The following EYS variants were observed in gnomAD, a reference collection of about 807,000 sequenced individuals.
EYS encodes EGF-like photoreceptor maintenance factor, also known as protein eyes shut homolog.
In EYS, 250 loss-of-function variants were observed where a neutral mutation model predicts 282.1. The ratio of observed to expected loss-of-function variants is 0.89; its 90% confidence interval spans 0.80 to 0.98. The LOEUF (loss-of-function observed/expected upper bound fraction) is 0.98, where lower values mean the gene tolerates loss of function less well. Among genes scored for constraint, EYS ranks in the 50% least tolerant of loss-of-function variants. The probability of loss-of-function intolerance (pLI) is 0.00; values close to 1 mark genes in which losing one functional copy is unlikely to be tolerated. For synonymous variants in EYS, 1,355 were observed against 1,282.9 expected, an observed-to-expected ratio of 1.06 and a Z score of -1.20; for missense variants, 4,016 against 3,709.0, an observed-to-expected ratio of 1.08 and a Z score of -2.15.
At chr6:63,967,899 C>T (rs2149781089) in intron 35 of EYS, among the ~76,000 whole-genome samples, 1 of 152,208 alleles carries the variant, frequency 6.6e-6, no homozygotes, top group Non-Finnish European at 1.5e-5. Flanking sequence ...GTATCTCCTC[C>T]CTCAAAAACA....
At chr6:63,995,362 A>G (rs1239090583) in intron 34 of EYS, among the ~76,000 whole-genome samples, 1 of 152,084 alleles carries the variant, frequency 6.6e-6, no homozygotes, top group Non-Finnish European at 1.5e-5. Context: ...ATATCACTTT[A>G]TAATTGTTAA....
At chr6:64,816,047 T>C (rs1289164805) in intron 21 of EYS, among the ~76,000 whole-genome samples, 1 of 152,160 alleles carries the variant, frequency 6.6e-6, no homozygotes, top group East Asian at 1.9e-4. Context: ...ATCTTTATCA[T>C]AACATTTCTC....
chr6:64,472,640 G>A (rs56877155), intron 26 of EYS, among the ~76,000 whole-genome samples: 3,686 of 152,102 alleles, frequency 0.024, 142 homozygotes, highest in African/African-American at 0.085. Flanking sequence ...TTAGAAAAAC[G>A]ATGTATTACC....
chr6:64,220,060 T>C (rs1408875200), intron 31 of EYS, among the ~76,000 whole-genome samples: 1 of 152,074 alleles, frequency 6.6e-6, no homozygotes, highest in Non-Finnish European at 1.5e-5. Context: ...AGGGATAGCA[T>C]TAGGAGATAT....
intron 26 of EYS, among the ~76,000 whole-genome samples, chr6:64,506,466 AT>A (rs1315770697): frequency 2.0e-5 from 3 of 152,306 alleles, no homozygotes; most frequent in Admixed American, 6.5e-5. Flanking sequence ...GATGGGACAA[AT>A]TTTTGTTATT....
Position 63,868,166 on chromosome 6 carries a change from C to A in EYS, c.7056-3808G>T, listed in dbSNP as rs186567096. Among the ~76,000 whole-genome samples, 216 of 152,138 alleles carry A rather than the reference C, an allele frequency of 1.4e-3. 2 individuals are homozygous for A. The South Asian group carries it at 0.022, about 15-fold the overall frequency. ...TAAAAGAGGAAAAAATTCACTCGGTCATTTTAAAGCTTAGTTAAAAAAATA... is the reference window on the plus strand; with the variant it reads ...TAAAAGAGGAAAAAATTCACTCGGTAATTTTAAAGCTTAGTTAAAAAAATA... On this transcript the variant is annotated intron_variant, in intron 35 of 42. Coordinates refer to ENST00000503581, the MANE Select transcript of EYS (RefSeq NM_001142800.2).
At chr6:63,721,843 T>C in intron 42 of EYS, 46 bp from the exon 43 acceptor site, 1 of 1,491,358 alleles carries the variant, frequency 6.7e-7, no homozygotes, top group Non-Finnish European at 8.9e-7. Flanking sequence ...AGTAAAAGTT[T>C]CCATTGAAAA....
At chr6:64,285,654 A>T (rs994582589) in intron 30 of EYS, among the ~76,000 whole-genome samples, 4 of 152,192 alleles carry the variant, frequency 2.6e-5, no homozygotes, top group Non-Finnish European at 4.4e-5. Context: ...TAATAAAAAC[A>T]TACCTGATAC....
intron 29 of EYS, among the ~76,000 whole-genome samples, chr6:64,349,580 A>G (rs1020142961): frequency 6.6e-6 from 1 of 151,332 alleles, no homozygotes; most frequent in Non-Finnish European, 1.5e-5. Flanking sequence ...AGAATCTTCT[A>G]TTTGATACAA....
intron 35 of EYS, among the ~76,000 whole-genome samples, chr6:63,930,974 G>C (rs950687426): frequency 5.3e-5 from 8 of 152,114 alleles, no homozygotes; most frequent in African/African-American, 1.9e-4. Context: ...AAAGAGTGCA[G>C]CCCTTCCTTT....
chr6:65,430,069 A>C (rs1372585046), intron 5 of EYS, among the ~76,000 whole-genome samples: 6 of 152,028 alleles, frequency 3.9e-5, no homozygotes, highest in Non-Finnish European at 2.9e-5. Flanking sequence ...CAAATGATAA[A>C]CTCTTGTGTC....
intron 11 of EYS, among the ~76,000 whole-genome samples, chr6:65,315,446 C>T (rs1389739670): frequency 6.6e-6 from 1 of 152,068 alleles, no homozygotes; most frequent in Admixed American, 6.5e-5. Context: ...CTCCCCATCA[C>T]TACTCCCTTC....
chr6:65,149,934 C>A (rs1011122079), intron 12 of EYS, among the ~76,000 whole-genome samples: 3 of 152,050 alleles, frequency 2.0e-5, no homozygotes, highest in Non-Finnish European at 4.4e-5. Flanking sequence ...ATGGAAGAAG[C>A]AAAAGCAAAA....
intron 11 of EYS, among the ~76,000 whole-genome samples, chr6:65,319,963 C>T (rs1329498994): frequency 6.6e-6 from 1 of 151,752 alleles, no homozygotes; most frequent in African/African-American, 2.4e-5. Flanking sequence ...AGCTTATTTC[C>T]CCAACTCCCC....
At chr6:65,030,524 A>G (rs1277710482) in intron 13 of EYS, among the ~76,000 whole-genome samples, 4 of 152,020 alleles carry the variant, frequency 2.6e-5, no homozygotes, top group Admixed American at 6.6e-5. Flanking sequence ...ACATGCATGT[A>G]CTCCACTGTA....
rs533379137 is a variant in EYS at position 64,198,093 on chromosome 6, C to A, written c.6424+32499G>T. ...CTGCAAGCTCCGCTTCCCGGGTTCA[C>A]GCCATTCTCCTGCCTCAGCCTCCCA... On this transcript the variant is annotated intron_variant, in intron 31 of 42. Transcript: ENST00000503581. Among the ~76,000 whole-genome samples, 8 of 151,818 alleles carry A rather than the reference C, an allele frequency of 5.3e-5. No homozygotes were observed. In the South Asian group the frequency reaches 1.7e-3, roughly 31 times the overall value.
chr6:64,956,408 A>G (rs1486333327), intron 14 of EYS, among the ~76,000 whole-genome samples: 1 of 152,194 alleles, frequency 6.6e-6, no homozygotes, highest in African/African-American at 2.4e-5. Flanking sequence ...ATGAAACTGG[A>G]TGCCTATCTC....
chr6:64,382,697 G>C (rs1772785580), intron 29 of EYS, among the ~76,000 whole-genome samples: 1 of 152,222 alleles, frequency 6.6e-6, no homozygotes, highest in Non-Finnish European at 1.5e-5. Flanking sequence ...CACAAATGGA[G>C]AGATCAAACA....
intron 18 of EYS, among the ~76,000 whole-genome samples, chr6:64,898,152 G>T (rs118001200): frequency 6.6e-6 from 1 of 152,162 alleles, no homozygotes; most frequent in East Asian, 1.9e-4. Context: ...GCACATAATC[G>T]TCATGTTCAC....
Sources: gnomAD v4.1 joint callset for allele counts (sites outside exome capture counted in the v4.1 genomes callset) on GRCh38, gnomAD v4.1.1 for gene constraint, MANE v1.5 for transcripts, NCBI Gene and HGNC (gene_info 2026-07-23, HGNC 2026-07-21) for gene names.